SPECC1: variants seen among roughly 807,000 people sequenced by gnomAD.
SPECC1 encodes cytospin-B.
In SPECC1, 62 loss-of-function variants were observed where a neutral mutation model predicts 104.1. The observed-to-expected ratio is 0.60, with a 90% confidence interval of 0.49 to 0.74. The LOEUF is 0.74. Ranked by LOEUF, SPECC1 falls within the 30% of genes least tolerant of loss-of-function variation. SPECC1 has a pLI of 0.00. For missense variants in SPECC1, 1,306 were observed against 1,310.5 expected, an observed-to-expected ratio of 1.00 and a Z score of 0.05; for synonymous variants, 513 against 501.6, an observed-to-expected ratio of 1.02 and a Z score of -0.30.
In SPECC1 at chr17:20,232,185, C is replaced by T. The variant is rs1446507092; in HGVS notation, c.2146-15C>T. On this transcript the variant is annotated splice_polypyrimidine_tract_variant and intron_variant, in intron 6 of 14. Coordinates refer to ENST00000395527, the MANE Select transcript of SPECC1 (RefSeq NM_001243439.2). Reference sequence around the variant, plus strand: ...GGCAGGCGTCTGACATAAGGATGGGCTCTGACATTTTCAGGAGGAGACCGA... The same window carrying T: ...GGCAGGCGTCTGACATAAGGATGGGTTCTGACATTTTCAGGAGGAGACCGA... 1.2e-6 allele frequency: 2 copies of T among 1,613,420 alleles called. No homozygotes were observed. The highest frequency in any genetic ancestry group is 8.5e-7 in the Non-Finnish European group (1 of 1,179,976).
intron 14 of SPECC1, 94 bp from the exon 15 acceptor site, chr17:20,313,882 G>T (rs2142262490): frequency 8.8e-7 from 1 of 1,133,064 alleles, no homozygotes; most frequent in Non-Finnish European, 1.3e-6. Context: ...GGGTTTCCAG[G>T]CAGTGTAAGC....
At chr17:20,039,076 C>T (rs1168280026) in intron 1 of SPECC1, among the ~76,000 whole-genome samples, 1 of 152,112 alleles carries the variant, frequency 6.6e-6, no homozygotes, top group East Asian at 1.9e-4. Flanking sequence ...AAAAGAAATC[C>T]TACACTCTTT....
rs370741594 is a variant in SPECC1, at chr17:20,184,312, A to G, written c.284-20021A>G. On this transcript the variant is annotated intron_variant, in intron 3 of 14. Transcript: ENST00000395527. ...AAATATAACTCACAAGAGAGTGTTTACACCTTTATGTCATAGTGCCTATGC... is the reference window on the plus strand; with the variant it reads ...AAATATAACTCACAAGAGAGTGTTTGCACCTTTATGTCATAGTGCCTATGC... 1.1e-4 allele frequency among the ~76,000 whole-genome samples: 17 copies of G among 152,178 alleles called. No homozygotes were observed. In the East Asian group the frequency reaches 3.1e-3, roughly 28 times the overall value.
intron 3 of SPECC1, among the ~76,000 whole-genome samples, chr17:20,192,840 TTTA>T (rs899649472): frequency 1.6e-3 from 243 of 152,328 alleles, no homozygotes; most frequent in African/African-American, 5.6e-3. Context: ...ACAGCTTATT[TTTA>T]TGAAGTTTCT....
chr17:20,307,792 T>C (rs1255265047), intron 14 of SPECC1, among the ~76,000 whole-genome samples: 1 of 152,120 alleles, frequency 6.6e-6, no homozygotes, highest in Non-Finnish European at 1.5e-5. Context: ...ATATGATGCC[T>C]GAAAATTTTC....
In SPECC1 at chr17:20,231,484, A is replaced by G. The variant is rs116462113; in HGVS notation, c.2072-274A>G. 6.1e-3 allele frequency among the ~76,000 whole-genome samples: 927 copies of G among 152,250 alleles called. 3 individuals carry two copies. The highest frequency in any genetic ancestry group is 0.017 in the Middle Eastern group (5 of 294). ...GGAGGCCTCTTCCCGTAGTGCTGCT[A>G]TTTGGTTGTGCATTCTGTCTGCTGA... On this transcript the variant is annotated intron_variant, in intron 5 of 14. Transcript: ENST00000395527.
At chr17:20,186,546 G>T (rs992240824) in intron 3 of SPECC1, among the ~76,000 whole-genome samples, 1 of 152,140 alleles carries the variant, frequency 6.6e-6, no homozygotes, top group South Asian at 2.1e-4. Flanking sequence ...ATGCCAAATG[G>T]TTTACGTGAT....
chr17:20,087,971 G>T (rs75415221), intron 1 of SPECC1, among the ~76,000 whole-genome samples: 1 of 152,270 alleles, frequency 6.6e-6, no homozygotes, highest in East Asian at 1.9e-4. Flanking sequence ...GAGCTGGGGG[G>T]ACATTCTGGA....
rs2036745136 is a variant in SPECC1 at position 20,205,857 on chromosome 17, A to G, written c.1808A>G (p.Gln603Arg). Residue 603 changes from glutamine to arginine, a missense_variant, in exon 4 of 15, where the codon CAA becomes CGA. Gln to Arg is a conservative substitution (Grantham distance 43, BLOSUM62 1). Around this residue, in one of 2 missense-constraint regions of SPECC1, gnomAD observed 1,177 missense variants for 1,139.9 expected, o/e 1.03. Coordinates refer to ENST00000395527, the MANE Select transcript of SPECC1 (RefSeq NM_001243439.2). ...GAACTGTCTTGCAATGAGCTCAGAC[A>G]AGAATTACTAAAGGCAAACGGTGAA... Reference protein sequence around the residue: ...LLELSCNELRQELLKANGEIK... With the variant: ...LLELSCNELRRELLKANGEIK... 4 of 1,613,944 alleles carry G rather than the reference A, an allele frequency of 2.5e-6. No individual in the cohort carries two copies. The highest frequency in any genetic ancestry group is 3.4e-6 in the Non-Finnish European group (4 of 1,180,022).
intron 12 of SPECC1, among the ~76,000 whole-genome samples, chr17:20,268,139 G>T (rs965925208): frequency 1.3e-5 from 2 of 152,170 alleles, no homozygotes; most frequent in African/African-American, 4.8e-5. Flanking sequence ...TTTAGATAGG[G>T]ATTTACTTGA....
intron 1 of SPECC1, chr17:20,010,030 C>G (rs2043882351): frequency 6.6e-6 from 1 of 152,112 alleles, no homozygotes; most frequent in South Asian, 2.1e-4. Context: ...CCTGGAAGGC[C>G]CGGGGGCAGC....
chr17:20,227,017 C>A (rs2038257909), intron 4 of SPECC1, among the ~76,000 whole-genome samples: 1 of 110,870 alleles, frequency 9.0e-6, no homozygotes, highest in African/African-American at 3.7e-5. Flanking sequence ...CCCAGGGAAG[C>A]ACTGCTCTCC....
At chr17:20,280,914 C>T (rs995393613) in intron 12 of SPECC1, among the ~76,000 whole-genome samples, 2 of 152,174 alleles carry the variant, frequency 1.3e-5, no homozygotes, top group South Asian at 4.1e-4. Context: ...TTTAATCTAG[C>T]CACTTCATTT....
chr17:20,113,317 T>C (rs1567852650), intron 3 of SPECC1, among the ~76,000 whole-genome samples: 1 of 152,196 alleles, frequency 6.6e-6, no homozygotes, highest in Non-Finnish European at 1.5e-5. Context: ...GATGTGGAAA[T>C]ACCATCTTGG....
At chr17:20,261,539 C>G (rs767441756) in intron 12 of SPECC1, among the ~76,000 whole-genome samples, 1 of 151,422 alleles carries the variant, frequency 6.6e-6, no homozygotes, top group African/African-American at 2.4e-5. Context: ...ACAAGCTCCC[C>G]GAGCAGTGAT....
intron 3 of SPECC1, among the ~76,000 whole-genome samples, chr17:20,132,681 A>G (rs569541794): frequency 5.5e-4 from 83 of 151,582 alleles, no homozygotes; most frequent in African/African-American, 2.0e-3. Context: ...CAGTTGGTCC[A>G]TGTCTTCTAA....
At chr17:20,162,442 G>A (rs187656277) in intron 3 of SPECC1, among the ~76,000 whole-genome samples, 2 of 152,142 alleles carry the variant, frequency 1.3e-5, no homozygotes, top group African/African-American at 2.4e-5. Context: ...CACCGCGCCC[G>A]GCCCAGGCAA....
chr17:20,131,847 A>G lies in SPECC1; in HGVS notation c.283+21285A>G, dbSNP rs556041968. On this transcript the variant is annotated intron_variant, in intron 3 of 14. Coordinates refer to ENST00000395527, the MANE Select transcript of SPECC1 (RefSeq NM_001243439.2). ...TGTATTTTAGTAGAGACGGGGTTTC[A>G]CTGTGTTGCCCAGGCTGGTCTTGAA... is the stretch of plus-strand genomic sequence containing the variant. Among the ~76,000 whole-genome samples, 3 of 151,992 alleles carry G rather than the reference A, an allele frequency of 2.0e-5. No homozygotes were observed. In the South Asian group the frequency reaches 6.2e-4, roughly 32 times the overall value.
chr17:20,233,510 GA>G (rs1208681681), intron 7 of SPECC1, among the ~76,000 whole-genome samples: 1 of 152,170 alleles, frequency 6.6e-6, no homozygotes, highest in Non-Finnish European at 1.5e-5. Flanking sequence ...ATTCACTGTT[GA>G]AAAATCAATA....
Sources: gnomAD v4.1 joint callset for allele counts (sites outside exome capture counted in the v4.1 genomes callset) on GRCh38, gnomAD v4.1.1 for gene constraint, gnomAD v4.1.1 regional missense constraint, MANE v1.5 for transcripts, NCBI Gene and HGNC (gene_info 2026-07-23, HGNC 2026-07-21) for gene names.